Variants in GPR158 observed in about 807,000 individuals in gnomAD.
The protein encoded by GPR158 is metabotropic glycine receptor.
Under a neutral mutation model 78.2 loss-of-function variants are expected in GPR158, and 30 were observed. The observed-to-expected ratio is 0.38, with a 90% CI of 0.29 to 0.52. GPR158 has a LOEUF of 0.52. GPR158 is among the 20% of genes least tolerant of loss of function. GPR158 has a pLI of 0.83. For synonymous variants in GPR158, 581 were observed against 591.1 expected, an observed-to-expected ratio of 0.98 and a Z score of 0.25; for missense variants, 1,463 against 1,523.5, an observed-to-expected ratio of 0.96 and a Z score of 0.66.
intron 2 of GPR158, among the ~76,000 whole-genome samples, chr10:25,323,067 G>C (rs190819551): frequency 1.3e-5 from 2 of 152,006 alleles, no homozygotes; most frequent in Admixed American, 1.3e-4. Flanking sequence ...GGATGGTCTC[G>C]ATCTCCTGAC....
intron 5 of GPR158, among the ~76,000 whole-genome samples, chr10:25,491,946 A>G (rs989232328): frequency 3.3e-5 from 5 of 152,166 alleles, no homozygotes; most frequent in Non-Finnish European, 5.9e-5. Context: ...TTGTGTTGCC[A>G]TAAAGGAATA....
At chr10:25,203,738 G>GTA (rs1852969411) in intron 1 of GPR158, among the ~76,000 whole-genome samples, 1 of 144,674 alleles carries the variant, frequency 6.9e-6, no homozygotes, top group Non-Finnish European at 1.5e-5. Context: ...GGTAATGCAG[G>GTA]CTCTTTTTTT....
At chr10:25,365,897 C>T (rs187225971) in intron 2 of GPR158, among the ~76,000 whole-genome samples, 23 of 151,768 alleles carry the variant, frequency 1.5e-4, no homozygotes, top group African/African-American at 5.3e-4. Context: ...CTCACTGTTT[C>T]CCCAAATTAA....
intron 4 of GPR158, among the ~76,000 whole-genome samples, chr10:25,465,719 G>C (rs1835412078): frequency 1.3e-5 from 2 of 152,174 alleles, no homozygotes; most frequent in African/African-American, 4.8e-5. Context: ...CAGACTTCAA[G>C]ACCTTGTGCA....
chr10:25,361,250 G>A (rs967390845), intron 2 of GPR158, among the ~76,000 whole-genome samples: 6 of 151,678 alleles, frequency 4.0e-5, no homozygotes, highest in African/African-American at 1.2e-4. Context: ...ACTATGTTGT[G>A]GCATATGATG....
At chr10:25,525,834 C>T (rs560843228) in intron 5 of GPR158, among the ~76,000 whole-genome samples, 7 of 152,224 alleles carry the variant, frequency 4.6e-5, no homozygotes, top group East Asian at 1.9e-4. Flanking sequence ...GGGCCAGGCA[C>T]GGTGGCTCTC....
intron 2 of GPR158, among the ~76,000 whole-genome samples, chr10:25,363,728 C>T (rs1057034639): frequency 6.6e-6 from 1 of 151,864 alleles, no homozygotes; most frequent in African/African-American, 2.4e-5. Flanking sequence ...TATGTGGTGC[C>T]TGCTTCTTAA....
rs1422230605 is a variant in GPR158 at position 25,600,014 on chromosome 10, T to C, written c.*740T>C. The C allele has an allele frequency of 6.5e-6, 1 of 152,682 alleles. No homozygotes were observed. The highest frequency in any genetic ancestry group is 2.4e-5 in the African/African-American group (1 of 41,466). The allele number at this position is 152,682 out of a possible 1,614,324, so 9.5% of individuals were successfully genotyped here. A position where few individuals can be genotyped will look rare whatever the true frequency, so the allele number is the denominator to read the frequency against. ...TAACTGTTACTATAAAAACTTTTAGTTTTGGCTGTGGTTTATATATTGTGA... is the reference window on the plus strand; with the variant it reads ...TAACTGTTACTATAAAAACTTTTAGCTTTGGCTGTGGTTTATATATTGTGA... On this transcript the variant is annotated 3_prime_UTR_variant, in exon 11 of 11. Coordinates refer to ENST00000376351, the MANE Select transcript of GPR158 (RefSeq NM_020752.3).
chr10:25,474,744 G>A (rs1029261900), intron 5 of GPR158, among the ~76,000 whole-genome samples: 2 of 152,100 alleles, frequency 1.3e-5, no homozygotes, highest in Admixed American at 6.6e-5. Flanking sequence ...ACAGTAAATA[G>A]GCACGGAATG....
intron 2 of GPR158, among the ~76,000 whole-genome samples, chr10:25,393,348 T>G (rs1834326531): frequency 6.6e-6 from 1 of 152,350 alleles, no homozygotes. Flanking sequence ...AGGTAAAATA[T>G]TTCAAGAATT....
At chr10:25,316,935 A>G (rs1034004599) in intron 2 of GPR158, among the ~76,000 whole-genome samples, 5 of 148,424 alleles carry the variant, frequency 3.4e-5, no homozygotes, top group East Asian at 2.0e-4. Context: ...ATGTGTGTGT[A>G]TATATATATA....
chr10:25,488,898 G>A (rs1835767175), intron 5 of GPR158, among the ~76,000 whole-genome samples: 1 of 151,870 alleles, frequency 6.6e-6, no homozygotes, highest in Non-Finnish European at 1.5e-5. Context: ...AAGCTATAGT[G>A]TAGGCACACT....
At chr10:25,252,126 T>G (rs1853811943) in intron 2 of GPR158, among the ~76,000 whole-genome samples, 1 of 152,172 alleles carries the variant, frequency 6.6e-6, no homozygotes, top group Non-Finnish European at 1.5e-5. Flanking sequence ...GGCTTCTGCA[T>G]TCTTCACATA....
At chr10:25,589,846 T>C (rs1478735924) in intron 8 of GPR158, among the ~76,000 whole-genome samples, 2 of 152,156 alleles carry the variant, frequency 1.3e-5, no homozygotes, top group Non-Finnish European at 2.9e-5. Context: ...TATTTGAAAA[T>C]GAAATGAAAC....
At chr10:25,485,326 C>G (rs984925037) in intron 5 of GPR158, among the ~76,000 whole-genome samples, 1 of 148,874 alleles carries the variant, frequency 6.7e-6, no homozygotes, top group African/African-American at 2.5e-5. Context: ...AGTCACAGTT[C>G]AATAAAGTAG....
chr10:25,404,472 C>T lies in GPR158; in HGVS notation c.1112-7778C>T, dbSNP rs187521133. Among the ~76,000 whole-genome samples the T allele has an allele frequency of 3.5e-4, 54 of 152,148 alleles. No homozygotes were observed. The East Asian group carries it at 6.0e-3, about 17-fold the overall frequency. On this transcript the variant is annotated intron_variant, in intron 3 of 10. Coordinates refer to ENST00000376351, the MANE Select transcript of GPR158 (RefSeq NM_020752.3). ...CATGAATATTGAAATATTTAACCAA[C>T]GATTTATTTCCCATAGAATCGTTTT...
chr10:25,447,763 T>C (rs2050975), intron 4 of GPR158, among the ~76,000 whole-genome samples: 103,285 of 152,116 alleles, frequency 0.68, 35,817 homozygotes, highest in East Asian at 1. Context: ...TTATCTTTAA[T>C]CACTTTAATG....
intron 6 of GPR158, among the ~76,000 whole-genome samples, chr10:25,563,987 TTA>T (rs1216491372): frequency 2.0e-5 from 3 of 152,118 alleles, no homozygotes; most frequent in African/African-American, 7.2e-5. Flanking sequence ...ATTTTGAATA[TTA>T]TATTATGGTA....
chr10:25,555,522 C>T (rs1179398882), intron 6 of GPR158, among the ~76,000 whole-genome samples: 1 of 152,088 alleles, frequency 6.6e-6, no homozygotes, highest in African/African-American at 2.4e-5. Context: ...GTTCACAGAA[C>T]CCCCCTGCTA....
Sources: allele counts gnomAD v4.1 joint callset (sites outside exome capture counted in the v4.1 genomes callset), GRCh38; gene constraint gnomAD v4.1.1; transcripts MANE v1.5; gene names NCBI Gene and HGNC (gene_info 2026-07-23, HGNC 2026-07-21).